The following LRP6 variants were observed in gnomAD, a reference collection of about 807,000 sequenced individuals.
The protein encoded by LRP6 is low-density lipoprotein receptor-related protein 6.
In LRP6, 43 loss-of-function variants were observed where a neutral mutation model predicts 184.1. That is an observed-to-expected ratio of 0.23 (90% CI 0.18 to 0.30). The LOEUF (loss-of-function observed/expected upper bound fraction) is 0.30. Ranked by LOEUF, LRP6 falls within the 10% of genes least tolerant of loss-of-function variation. LRP6 has a pLI of 1.00. For missense variants in LRP6, 1,571 were observed against 2,005.3 expected (o/e 0.78, Z 4.14); for synonymous variants, 719 against 684.9 (o/e 1.05, Z -0.78).
chr12:12,260,356 C>T (rs999048894), intron 1 of LRP6, among the ~76,000 whole-genome samples: 30 of 145,824 alleles, frequency 2.1e-4, no homozygotes, highest in Non-Finnish European at 4.0e-4. Context: ...CCAGCCTGGG[C>T]GACTGAGCAA....
chr12:12,200,217 ATC>A (rs1863879468), intron 3 of LRP6, among the ~76,000 whole-genome samples: 1 of 152,170 alleles, frequency 6.6e-6, no homozygotes, highest in African/African-American at 2.4e-5. Flanking sequence ...CATACTCATT[ATC>A]TGTGTTTCCA....
In LRP6 at chr12:12,147,374, T is replaced by C. The variant is rs780091570; in HGVS notation, c.3389A>G (p.Asp1130Gly). ...ACATATTTCTTGGGTACCTGAGAGATCACTGCTTTCAATTCGCCGGAGATC... is the reference window on the plus strand; with the variant it reads ...ACATATTTCTTGGGTACCTGAGAGACCACTGCTTTCAATTCGCCGGAGATC... ...DSDLRRIESS[D>G]LSGANRIVLE... is the part of the protein sequence containing the mutation. The change falls in exon 15 of 23, where the codon GAT becomes GGT. Residue 1130 changes from aspartate to glycine, a missense_variant. This residue lies in a region of LRP6 where 763 missense variants were observed against 859.5 expected (regional missense o/e 0.89). Transcript: ENST00000261349. 66 of 1,614,128 alleles carry C rather than the reference T, an allele frequency of 4.1e-5. No individual in the cohort carries two copies. In the South Asian group the frequency reaches 7.0e-4, roughly 17 times the overall value.
At chr12:12,131,692 T>C (rs1433952318) in intron 18 of LRP6, 129 bp downstream of exon 18, 3 of 784,480 alleles carry the variant, frequency 3.8e-6, no homozygotes, top group South Asian at 1.4e-5. Context: ...CATGGCACTA[T>C]GATCAGAAGT....
Position 12,144,189 on chromosome 12 carries a change from C to T in LRP6, c.3397+3177G>A, listed in dbSNP as rs142621949. 1.3e-3 allele frequency among the ~76,000 whole-genome samples: 202 copies of T among 152,232 alleles called. 1 individual carries two copies. Among genetic ancestry groups the T allele is most frequent in the African/African-American group, 4.6e-3 (192 of 41,526 alleles). On this transcript the variant is annotated intron_variant, in intron 15 of 22. Coordinates refer to ENST00000261349, the MANE Select transcript of LRP6 (RefSeq NM_002336.3). ...GAATGTACAAAGAATTCCTATACAA[C>T]AATAAACTTTCAAGTTACCAGTTTT... is the stretch of plus-strand genomic sequence containing the variant.
At chr12:12,193,381 A>G (rs1863667610) in intron 3 of LRP6, among the ~76,000 whole-genome samples, 2 of 151,650 alleles carry the variant, frequency 1.3e-5, no homozygotes, top group Admixed American at 1.3e-4. Context: ...TTAAAAAAAA[A>G]AAAGGCAATG....
intron 1 of LRP6, among the ~76,000 whole-genome samples, chr12:12,265,613 C>G (rs1865736014): frequency 6.6e-6 from 1 of 152,186 alleles, no homozygotes; most frequent in South Asian, 2.1e-4. Context: ...ACTATGAACG[C>G]CAGTAAGAAC....
chr12:12,181,194 T>C lies in LRP6; in HGVS notation c.1222A>G (p.Ile408Val). The change falls in exon 6 of 23, where the codon ATT becomes GTT. Residue 408 changes from isoleucine (I) to valine (V), a missense_variant. Physicochemically the swap from Ile to Val is conservative, Grantham distance 29. Transcript: ENST00000261349. ...TTTCGTGCAACCCAGTCCACAGCAATACCATCAGGATGGGCAATTTGAGCA... is the reference window on the plus strand; with the variant it reads ...TTTCGTGCAACCCAGTCCACAGCAACACCATCAGGATGGGCAATTTGAGCA... The part of the protein sequence containing the change: ...VTAQIAHPDG[I>V]AVDWVARNLY... 1 of 1,614,156 alleles carries C rather than the reference T, an allele frequency of 6.2e-7. No homozygotes were observed. The highest frequency in any genetic ancestry group is 8.5e-7 in the Non-Finnish European group (1 of 1,180,000).
chr12:12,166,572 C>T (rs1052361398), intron 7 of LRP6, among the ~76,000 whole-genome samples: 8 of 152,038 alleles, frequency 5.3e-5, no homozygotes, highest in African/African-American at 1.7e-4. Context: ...TAATAAATTA[C>T]GCTAATTTTG....
chr12:12,131,252 C>A (rs1166522282), intron 18 of LRP6, among the ~76,000 whole-genome samples: 1 of 151,908 alleles, frequency 6.6e-6, no homozygotes, highest in Non-Finnish European at 1.5e-5. Flanking sequence ...GGACTACAGG[C>A]GTCTGCCACC....
At chr12:12,137,747 C>A (rs1304242082) in intron 16 of LRP6, among the ~76,000 whole-genome samples, 3 of 152,064 alleles carry the variant, frequency 2.0e-5, no homozygotes, top group Admixed American at 2.0e-4. Flanking sequence ...GATAAGCAGT[C>A]ATTGTTGTAC....
At chr12:12,203,036 T>C (rs1215173113) in intron 3 of LRP6, among the ~76,000 whole-genome samples, 167 bp downstream of exon 3, 1 of 152,222 alleles carries the variant, frequency 6.6e-6, no homozygotes, top group Non-Finnish European at 1.5e-5. Context: ...GGATGATAAA[T>C]GTAATTACTT....
intron 17 of LRP6, among the ~76,000 whole-genome samples, chr12:12,134,591 A>G (rs1240721016): frequency 6.6e-6 from 1 of 152,220 alleles, no homozygotes; most frequent in Non-Finnish European, 1.5e-5. Context: ...TTTACTAGAT[A>G]AAGAAGCAAC....
chr12:12,120,026 T>A lies in LRP6; in HGVS notation c.*1100A>T, dbSNP rs1565519260. ...ATATATATATATATATATATATATA[T>A]ATATATATATATATATAAATGATTT... On this transcript the variant is annotated 3_prime_UTR_variant, in exon 23 of 23. Transcript: ENST00000261349. The A allele has an allele frequency of 1.9e-4, 22 of 114,726 alleles. No homozygotes were observed. The highest frequency in any genetic ancestry group is 2.8e-4 in the South Asian group (1 of 3,622). The allele number at this position is 114,726 out of a possible 1,614,324, so 7.1% of individuals were successfully genotyped here. A position where few individuals can be genotyped will look rare whatever the true frequency, so the allele number is the denominator to read the frequency against.
chr12:12,185,939 G>C (rs554581229), intron 4 of LRP6, among the ~76,000 whole-genome samples: 2 of 150,742 alleles, frequency 1.3e-5, no homozygotes, highest in South Asian at 4.2e-4. Context: ...TCTGCCTCCC[G>C]GGTTCAAGCG....
chr12:12,116,604 A>T lies in LRP6; in HGVS notation c.*4522T>A, dbSNP rs1949522411. The T allele has an allele frequency of 6.6e-6, 1 of 152,186 alleles. No homozygotes were observed. Among genetic ancestry groups the T allele is most frequent in the African/African-American group, 2.4e-5 (1 of 41,442 alleles). The allele number at this position is 152,186 out of a possible 1,614,324, so 9.4% of individuals were successfully genotyped here. A position where few individuals can be genotyped will look rare whatever the true frequency, so the allele number is the denominator to read the frequency against. On this transcript the variant is annotated 3_prime_UTR_variant, in exon 23 of 23. Coordinates refer to ENST00000261349, the MANE Select transcript of LRP6 (RefSeq NM_002336.3). ...ACCACCAAAATGGACAGTTCAGCAA[A>T]AGCGCGTTGTCTGTAATTCTCTGGT...
intron 1 of LRP6, among the ~76,000 whole-genome samples, chr12:12,251,294 T>C (rs1179567017): frequency 2.6e-5 from 4 of 152,172 alleles, no homozygotes; most frequent in African/African-American, 7.2e-5. Flanking sequence ...TCAAATATTA[T>C]AGTTACGTAA....
intron 2 of LRP6, among the ~76,000 whole-genome samples, chr12:12,220,746 G>A (rs1014994894): frequency 8.6e-5 from 13 of 151,882 alleles, no homozygotes; most frequent in African/African-American, 2.9e-4. Context: ...GCATAGGAGT[G>A]CGCCACCACA....
rs1420467192 is a variant in LRP6 at position 12,184,074 on chromosome 12, G to A, written c.882C>T (p.Ser294=). 6.2e-6 allele frequency: 10 copies of A among 1,613,610 alleles called. No individual in the cohort carries two copies. The highest frequency in any genetic ancestry group is 8.5e-6 in the Non-Finnish European group (10 of 1,179,640). ...TGACTGGAGACATCAAACACAAATG[G>A]GAACAACCCCCATTGTCAATTCCAC... ...NPCGIDNGGC[S]HLCLMSPVKP... Residue 294 remains serine (S), a synonymous_variant, in exon 5 of 23, where the codon TCC becomes TCT. Coordinates refer to ENST00000261349, the MANE Select transcript of LRP6 (RefSeq NM_002336.3).
intron 7 of LRP6, among the ~76,000 whole-genome samples, chr12:12,169,390 T>A (rs952689209): frequency 2.0e-5 from 3 of 152,142 alleles, no homozygotes; most frequent in African/African-American, 7.2e-5. Context: ...GAATTGCAGA[T>A]AAAGGATTAT....
Sources: allele counts gnomAD v4.1 joint callset (sites outside exome capture counted in the v4.1 genomes callset), GRCh38; gene constraint gnomAD v4.1.1; regional missense constraint gnomAD v4.1.1; transcripts MANE v1.5; gene names NCBI Gene and HGNC (gene_info 2026-07-23, HGNC 2026-07-21).